The following FMNL1 variants were observed in gnomAD, a reference collection of about 807,000 sequenced individuals.
FMNL1 encodes the protein formin like 1.
FMNL1 carries 43 observed loss-of-function variants against 121.3 expected under a neutral mutation model. That is an observed-to-expected ratio of 0.35 (90% confidence interval 0.28 to 0.46). The LOEUF is 0.46. Among genes scored for constraint, FMNL1 ranks in the 20% least tolerant of loss-of-function variants. The pLI is 1.00. For synonymous variants in FMNL1, 613 were observed against 613.5 expected, an observed-to-expected ratio of 1.00 and a Z score of 0.01; for missense variants, 1,191 against 1,482.4, an observed-to-expected ratio of 0.80 and a Z score of 3.23.
chr17:45,243,084 C>T, intron 16 of FMNL1, 34 bp from the exon 17 acceptor site: 1 of 1,610,876 alleles, frequency 6.2e-7, no homozygotes, highest in Non-Finnish European at 8.5e-7. Context: ...ACCCCAGCCC[C>T]ACCCAGCTCC....
At chr17:45,246,700 T>C in intron 26 of FMNL1, 96 bp downstream of exon 26, 1 of 1,260,534 alleles carries the variant, frequency 7.9e-7, no homozygotes, top group African/African-American at 1.5e-5. Context: ...GGCCAGTGGA[T>C]GGCTGGGATG....
chr17:45,227,797 T>C (rs925142616), intron 1 of FMNL1, among the ~76,000 whole-genome samples: 1 of 152,076 alleles, frequency 6.6e-6, no homozygotes, highest in African/African-American at 2.4e-5. Flanking sequence ...GCTCCGTGAG[T>C]GTGAGGCTCC....
In FMNL1 at chr17:45,230,695, C is replaced by T. The variant is rs761918957; in HGVS notation, c.213+8C>T. On this transcript the variant is annotated splice_region_variant and intron_variant, in intron 2 of 26. Transcript: ENST00000331495. ...GAGCTCATCTGTGATCAGGTAGGTG[C>T]CAGCACTGCCCAGCCACCCCTTCCC... 1.6e-5 allele frequency: 26 copies of T among 1,612,888 alleles called. No individual in the cohort carries two copies. The highest frequency in any genetic ancestry group is 2.0e-5 in the Non-Finnish European group (24 of 1,179,354).
intron 3 of FMNL1, chr17:45,232,806 T>C: frequency 1.7e-6 from 1 of 576,424 alleles, no homozygotes; most frequent in Non-Finnish European, 3.3e-6. Flanking sequence ...TGGATGTGTG[T>C]GTGTACCATT....
chr17:45,241,876 G>C lies in FMNL1; in HGVS notation c.1615G>C (p.Gly539Arg). The change falls in exon 15 of 27, where the codon GGA becomes CGA. Residue 539 changes from glycine (G) to arginine (R), a missense_variant. By Grantham distance (125) the Gly-to-Arg change is moderately radical. Coordinates refer to ENST00000331495, the MANE Select transcript of FMNL1 (RefSeq NM_005892.4). This position sits in a 1 kb window ranked among gnomAD's most constrained non-coding sequence, Gnocchi z 7.0. ...DLAPAAEPAP[G>R]AAPPPPPPLP... ...CGCACCTGCAGCAGAGCCGGCTCCCGGAGCAGCGCCACCGCCGCCGCCCCC... is the reference window on the plus strand; with the variant it reads ...CGCACCTGCAGCAGAGCCGGCTCCCCGAGCAGCGCCACCGCCGCCGCCCCC... 1 of 1,431,240 alleles carries C rather than the reference G, an allele frequency of 7.0e-7. No individual in the cohort carries two copies. The highest frequency in any genetic ancestry group is 9.1e-7 in the Non-Finnish European group (1 of 1,100,960). The allele number at this position is 1,431,240 out of a possible 1,614,324, so 88.7% of individuals were successfully genotyped here.
At chr17:45,230,374 C>T (rs137884999) in intron 1 of FMNL1, among the ~76,000 whole-genome samples, 187 of 152,276 alleles carry the variant, frequency 1.2e-3, no homozygotes, top group Non-Finnish European at 1.9e-3. Context: ...CAGGCAGACT[C>T]GGATTCAAAT....
In FMNL1 at chr17:45,233,720, G is replaced by A; in HGVS notation, c.474G>A (p.Gln158=). Residue 158 remains glutamine (Q), a synonymous_variant, in exon 5 of 27, where the codon CAG becomes CAA. Transcript: ENST00000331495. This position sits in a 1 kb window ranked among gnomAD's most constrained non-coding sequence, Gnocchi z 4.1. ...TGCTCGAGTACCTGGCCTTTGCCCAGTGCTCTGTCACGTAAGCCCCCTGCT... is the reference window on the plus strand; with the variant it reads ...TGCTCGAGTACCTGGCCTTTGCCCAATGCTCTGTCACGTAAGCCCCCTGCT... ...DVLLEYLAFA[Q]CSVTYDMEST... The A allele has an allele frequency of 1.2e-6, 2 of 1,613,930 alleles. No individual in the cohort carries two copies. Among genetic ancestry groups the A allele is most frequent in the Non-Finnish European group, 1.7e-6 (2 of 1,179,956 alleles).
chr17:45,242,999 A>C (rs74894402), intron 16 of FMNL1, 119 bp from the exon 17 acceptor site: 2 of 1,089,158 alleles, frequency 1.8e-6, no homozygotes, highest in South Asian at 1.4e-5. Flanking sequence ...AGGCTGGGTT[A>C]CTGGTTCTCT....
chr17:45,226,387 G>A (rs2043329980), intron 1 of FMNL1, among the ~76,000 whole-genome samples: 3 of 152,246 alleles, frequency 2.0e-5, no homozygotes. Context: ...CTGGGTGGCA[G>A]GAAGTGGAGC....
At chr17:45,227,679 C>A (rs554485875) in intron 1 of FMNL1, among the ~76,000 whole-genome samples, 3 of 152,320 alleles carry the variant, frequency 2.0e-5, no homozygotes, top group Non-Finnish European at 4.4e-5. Flanking sequence ...CTTCCATGGA[C>A]CCCTGCCCCT....
intron 1 of FMNL1, among the ~76,000 whole-genome samples, chr17:45,228,229 C>T (rs762208668): frequency 2.0e-5 from 3 of 152,214 alleles, no homozygotes; most frequent in Non-Finnish European, 4.4e-5. Flanking sequence ...AATTAGTGTT[C>T]GGCGCTGTCA....
chr17:45,224,720 C>T (rs2043298689), intron 1 of FMNL1, among the ~76,000 whole-genome samples: 1 of 152,156 alleles, frequency 6.6e-6, no homozygotes, highest in Non-Finnish European at 1.5e-5. Flanking sequence ...GGGGGGCTAC[C>T]TTTCCAAGAA....
rs922949877 is a variant in FMNL1 at position 45,233,881 on chromosome 17, A to G, written c.485+150A>G. On this transcript the variant is annotated intron_variant, in intron 5 of 26. Coordinates refer to ENST00000331495, the MANE Select transcript of FMNL1 (RefSeq NM_005892.4). The surrounding 1 kb of genome is among the most constrained non-coding windows in gnomAD (Gnocchi z 4.1). ...CTTGGCCTTGAGCGATGCTCCTTCC[A>G]GAAGGCCTGCCCCCGACAGGGAGGG... 7.5e-7 allele frequency: 1 copy of G among 1,333,222 alleles called. No individual in the cohort carries two copies. The highest frequency in any genetic ancestry group is 1.0e-6 in the Non-Finnish European group (1 of 983,290). 82.6% of individuals were successfully genotyped at this position (1,333,222 alleles called of 1,614,324 possible). A position where few individuals can be genotyped will look rare whatever the true frequency, so the allele number is the denominator to read the frequency against.
rs770669369 is a variant in FMNL1 at position 45,245,740 on chromosome 17, G to C, written c.2994+7G>C. On this transcript the variant is annotated splice_region_variant and intron_variant, in intron 23 of 26. Coordinates refer to ENST00000331495, the MANE Select transcript of FMNL1 (RefSeq NM_005892.4). ...CTTCATTAAGGCCTACAAGGTATTC[G>C]GGTCTGGGGCAGGCTGGGAGCCCTG... 1.2e-6 allele frequency: 2 copies of C among 1,613,936 alleles called. No homozygotes were observed. The highest frequency in any genetic ancestry group is 1.7e-5 in the Admixed American group (1 of 59,996).
chr17:45,224,901 G>A (rs959409307), intron 1 of FMNL1, among the ~76,000 whole-genome samples: 22 of 152,224 alleles, frequency 1.4e-4, no homozygotes, highest in Non-Finnish European at 2.9e-5. Flanking sequence ...CCAAGCTCTC[G>A]CCTCTCCTAC....
chr17:45,232,021 G>A (rs1022505074), intron 2 of FMNL1, among the ~76,000 whole-genome samples: 1 of 152,106 alleles, frequency 6.6e-6, no homozygotes, highest in African/African-American at 2.4e-5. Context: ...AAAGTGGCCC[G>A]ATGCTAGCTG....
chr17:45,246,016 C>T, intron 24 of FMNL1, 43 bp downstream of exon 24: 2 of 1,518,428 alleles, frequency 1.3e-6, no homozygotes, highest in South Asian at 2.7e-5. Flanking sequence ...TGCAGGGATG[C>T]ATGGCATCTC....
In FMNL1 at chr17:45,237,178, A is replaced by G; in HGVS notation, c.724-103A>G. 9.3e-7 allele frequency: 1 copy of G among 1,076,642 alleles called. No individual in the cohort carries two copies. Among genetic ancestry groups the G allele is most frequent in the Non-Finnish European group, 1.4e-6 (1 of 717,652 alleles). 66.7% of individuals were successfully genotyped at this position (1,076,642 alleles called of 1,614,324 possible). A position where few individuals can be genotyped will look rare whatever the true frequency, so the allele number is the denominator to read the frequency against. On this transcript the variant is annotated intron_variant, in intron 7 of 26. Transcript: ENST00000331495. The surrounding 1 kb of genome is among the most constrained non-coding windows in gnomAD (Gnocchi z 4.4). ...GCCACAGAAGTTGCGGTTGGATACAAAGAACTTCCTAAACTCGAGGGCAGT... is the reference window on the plus strand; with the variant it reads ...GCCACAGAAGTTGCGGTTGGATACAGAGAACTTCCTAAACTCGAGGGCAGT...
At position 45,243,676 on chromosome 17, in the gene FMNL1, GT is replaced by G; in HGVS notation, c.2214-113del. 9 of 1,046,918 alleles carry G rather than the reference GT, an allele frequency of 8.6e-6. No individual in the cohort carries two copies. In the Middle Eastern group the frequency reaches 6.4e-4, roughly 75 times the overall value. The allele number at this position is 1,046,918 out of a possible 1,614,324, so 64.9% of individuals were successfully genotyped here. A position where few individuals can be genotyped will look rare whatever the true frequency, so the allele number is the denominator to read the frequency against. On this transcript the variant is annotated intron_variant, in intron 17 of 26. Transcript: ENST00000331495. ...TTCCTACCTCTTGCTCTCTGAAGCT[GT>G]TGGCAAATAGAAAATACTGAAATTC...
Sources: allele counts gnomAD v4.1 joint callset (sites outside exome capture counted in the v4.1 genomes callset), GRCh38; gene constraint gnomAD v4.1.1; non-coding constraint Gnocchi (gnomAD v3.1); transcripts MANE v1.5; gene names NCBI Gene and HGNC (gene_info 2026-07-23, HGNC 2026-07-21).